ITSN1: variants seen among roughly 807,000 people sequenced by gnomAD.
The protein encoded by ITSN1 is intersectin-1.
Under a neutral mutation model 239.8 loss-of-function variants are expected in ITSN1, and 58 were observed. The ratio of observed to expected loss-of-function variants is 0.24; its 90% CI spans 0.20 to 0.30. The LOEUF (loss-of-function observed/expected upper bound fraction) is 0.30. ITSN1 is among the 10% of genes least tolerant of loss of function. The probability of loss-of-function intolerance (pLI) is 1.00; values close to 1 mark genes in which losing one functional copy is unlikely to be tolerated. For synonymous variants in ITSN1, 780 were observed against 770.8 expected (o/e 1.01, Z -0.20); for missense variants, 1,558 against 2,103.3 (o/e 0.74, Z 5.07).
Position 33,895,583 on chromosome 21 carries a change from A to G in ITSN1, c.*7283A>G, listed in dbSNP as rs1986700739. On this transcript the variant is annotated 3_prime_UTR_variant, in exon 40 of 40. Transcript: ENST00000381318. ...TGTGCGTGTATGTGTGCGTGTGTGC[A>G]TGTTTGTGAGTGCATGTGTTTGTGC... 1 of 136,378 alleles carries G rather than the reference A, an allele frequency of 7.3e-6. No individual in the cohort carries two copies. Among genetic ancestry groups the G allele is most frequent in the Non-Finnish European group, 1.6e-5 (1 of 63,972 alleles). 8.4% of individuals were successfully genotyped at this position (136,378 alleles called of 1,614,324 possible).
intron 33 of ITSN1, among the ~76,000 whole-genome samples, chr21:33,869,333 G>C (rs1040306102): frequency 1.1e-4 from 17 of 152,190 alleles, no homozygotes; most frequent in Admixed American, 3.9e-4. Context: ...TGGGAGCCCA[G>C]CGAAGGGGGA....
At chr21:33,801,047 T>C (rs915513401) in intron 19 of ITSN1, among the ~76,000 whole-genome samples, 1 of 152,076 alleles carries the variant, frequency 6.6e-6, no homozygotes, top group African/African-American at 2.4e-5. Flanking sequence ...ATTTTTGTAA[T>C]TTTTATAGAG....
intron 1 of ITSN1, among the ~76,000 whole-genome samples, chr21:33,669,070 G>A (rs2090097475): frequency 6.6e-6 from 1 of 152,178 alleles, no homozygotes; most frequent in Admixed American, 6.5e-5. Flanking sequence ...ATGTGTTCCA[G>A]AAACAGACAG....
intron 22 of ITSN1, among the ~76,000 whole-genome samples, chr21:33,815,005 C>A (rs191249031): frequency 5.3e-4 from 81 of 152,022 alleles, no homozygotes; most frequent in Middle Eastern, 6.8e-3. Context: ...CACCTTAAAG[C>A]GGGAAGGGAG....
At chr21:33,825,369 G>A (rs1723270457) in intron 25 of ITSN1, among the ~76,000 whole-genome samples, 1 of 152,004 alleles carries the variant, frequency 6.6e-6, no homozygotes, top group Admixed American at 6.5e-5. Flanking sequence ...CGTCCTACTT[G>A]AATACAGAAT....
intron 24 of ITSN1, among the ~76,000 whole-genome samples, chr21:33,820,436 A>G (rs2073595684): frequency 6.6e-6 from 1 of 152,246 alleles, no homozygotes; most frequent in African/African-American, 2.4e-5. Context: ...GGTTCCTTGA[A>G]TACATTACAG....
chr21:33,815,443 T>TA (rs1315395303), intron 22 of ITSN1, among the ~76,000 whole-genome samples: 1 of 152,150 alleles, frequency 6.6e-6, no homozygotes, highest in Non-Finnish European at 1.5e-5. Flanking sequence ...TTGCTTATGT[T>TA]ACTAAGTACC....
intron 29 of ITSN1, among the ~76,000 whole-genome samples, chr21:33,842,999 C>G (rs1443277236): frequency 4.6e-5 from 7 of 152,106 alleles, no homozygotes; most frequent in African/African-American, 1.2e-4. Context: ...TTCCCAGGCC[C>G]CACCCAGAAA....
intron 18 of ITSN1, among the ~76,000 whole-genome samples, chr21:33,798,780 A>AC (rs1323277875): frequency 6.6e-6 from 1 of 152,194 alleles, no homozygotes; most frequent in Non-Finnish European, 1.5e-5. Context: ...TTAGGCACCT[A>AC]CCTGCCTTCA....
At chr21:33,854,332 A>G (rs1886090403) in intron 29 of ITSN1, among the ~76,000 whole-genome samples, 1 of 152,174 alleles carries the variant, frequency 6.6e-6, no homozygotes, top group African/African-American at 2.4e-5. Flanking sequence ...CTCTGTGTCA[A>G]TATTCTAATC....
intron 5 of ITSN1, among the ~76,000 whole-genome samples, chr21:33,744,243 G>T (rs1379904581): frequency 6.6e-6 from 1 of 151,944 alleles, no homozygotes; most frequent in Non-Finnish European, 1.5e-5. Flanking sequence ...TCTGAGATAT[G>T]TGGTAAAAAC....
intron 5 of ITSN1, among the ~76,000 whole-genome samples, chr21:33,737,766 G>T (rs1042296353): frequency 1.5e-4 from 23 of 151,956 alleles, no homozygotes; most frequent in African/African-American, 5.3e-4. Context: ...TAGAGACAGG[G>T]TTCCACCATG....
chr21:33,773,566 G>C (rs1380122912), intron 12 of ITSN1, among the ~76,000 whole-genome samples: 1 of 152,200 alleles, frequency 6.6e-6, no homozygotes, highest in Non-Finnish European at 1.5e-5. Flanking sequence ...CACTTTGGGA[G>C]GCTAAGGAGG....
chr21:33,841,937 CTTT>C (rs60218190), intron 29 of ITSN1, among the ~76,000 whole-genome samples: 32 of 131,960 alleles, frequency 2.4e-4, no homozygotes, highest in African/African-American at 7.3e-4. Flanking sequence ...CTCTTGGGCA[CTTT>C]TTTTTTTTTT....
intron 4 of ITSN1, among the ~76,000 whole-genome samples, chr21:33,731,172 C>T (rs375771795): frequency 6.6e-6 from 1 of 152,192 alleles, no homozygotes; most frequent in East Asian, 1.9e-4. Flanking sequence ...TTCTTCTCCT[C>T]ACCCATGAAA....
chr21:33,648,181 T>C (rs376896957), intron 1 of ITSN1, among the ~76,000 whole-genome samples: 2 of 152,238 alleles, frequency 1.3e-5, no homozygotes, highest in East Asian at 3.9e-4. Context: ...ATAATGTGTT[T>C]AGTAGTGTGA....
chr21:33,814,231 T>G, intron 22 of ITSN1, 159 bp downstream of exon 22: 2 of 607,862 alleles, frequency 3.3e-6, no homozygotes, highest in South Asian at 2.4e-5. Context: ...AGAAATCTGC[T>G]GTGAATAGTT....
chr21:33,644,173 T>C (rs1468123931), intron 1 of ITSN1, among the ~76,000 whole-genome samples: 1 of 152,252 alleles, frequency 6.6e-6, no homozygotes, highest in African/African-American at 2.4e-5. Flanking sequence ...ACAAAATATG[T>C]TTCTGTTTAA....
In ITSN1 at chr21:33,891,166, G is replaced by A. The variant is rs185299501; in HGVS notation, c.*2866G>A. On this transcript the variant is annotated 3_prime_UTR_variant, in exon 40 of 40. Coordinates refer to ENST00000381318, the MANE Select transcript of ITSN1 (RefSeq NM_003024.3). Reference sequence around the variant, plus strand: ...AACCAGGTTTGCTGTGACCATGAGAGCCTGAAGATGTGGCTCATTCGGATC... The same window carrying A: ...AACCAGGTTTGCTGTGACCATGAGAACCTGAAGATGTGGCTCATTCGGATC... 6.6e-6 allele frequency: 1 copy of A among 152,384 alleles called. No individual in the cohort carries two copies. Among genetic ancestry groups the A allele is most frequent in the Admixed American group, 6.5e-5 (1 of 15,306 alleles). The allele number at this position is 152,384 out of a possible 1,614,324, so 9.4% of individuals were successfully genotyped here.
Sources: allele counts gnomAD v4.1 joint callset (sites outside exome capture counted in the v4.1 genomes callset), GRCh38; gene constraint gnomAD v4.1.1; transcripts MANE v1.5; gene names NCBI Gene and HGNC (gene_info 2026-07-23, HGNC 2026-07-21).